RPN2: variants seen among roughly 807,000 people sequenced by gnomAD.
RPN2 encodes the protein dolichyl-diphosphooligosaccharide--protein glycosyltransferase subunit 2.
RPN2 carries 29 observed loss-of-function variants against 71.4 expected under a neutral mutation model. The ratio of observed to expected loss-of-function variants is 0.41; its 90% CI spans 0.30 to 0.55. RPN2 has a LOEUF of 0.55. Ranked by LOEUF, RPN2 falls within the 20% of genes least tolerant of loss-of-function variation. The pLI is 0.35. For synonymous variants in RPN2, 308 were observed against 305.0 expected, an observed-to-expected ratio of 1.01 and a Z score of -0.10; for missense variants, 726 against 774.1, an observed-to-expected ratio of 0.94 and a Z score of 0.74.
chr20:37,191,266 C>T (rs1416357863), intron 2 of RPN2, among the ~76,000 whole-genome samples: 1 of 152,136 alleles, frequency 6.6e-6, no homozygotes. Flanking sequence ...CCCTTGAGGT[C>T]AGGAGTTCGA....
chr20:37,226,453 G>C (rs2068080110), intron 11 of RPN2, among the ~76,000 whole-genome samples: 1 of 152,168 alleles, frequency 6.6e-6, no homozygotes, highest in South Asian at 2.1e-4. Context: ...TGGAGGCAGA[G>C]GTAGGAGGAT....
chr20:37,216,743 T>A (rs1235757220), intron 9 of RPN2, among the ~76,000 whole-genome samples: 1 of 152,188 alleles, frequency 6.6e-6, no homozygotes, highest in African/African-American at 2.4e-5. Flanking sequence ...ATTACAGTCG[T>A]GAGCCACTGC....
Position 37,217,482 on chromosome 20 carries a change from G to A in RPN2, c.1092+3617G>A, listed in dbSNP as rs1436385661. On this transcript the variant is annotated intron_variant, in intron 9 of 16. Coordinates refer to ENST00000237530, the MANE Select transcript of RPN2 (RefSeq NM_002951.5). ...TAATTTTTGTATATTTAGTAGAGACGGGGTTTCACTATGTTGGCCAGGATG... is the reference window on the plus strand; with the variant it reads ...TAATTTTTGTATATTTAGTAGAGACAGGGTTTCACTATGTTGGCCAGGATG... Among the ~76,000 whole-genome samples the A allele has an allele frequency of 4.6e-5, 7 of 151,748 alleles. No homozygotes were observed. In the South Asian group the frequency reaches 6.2e-4, roughly 14 times the overall value.
At chr20:37,198,029 G>T (rs2067291573) in intron 2 of RPN2, among the ~76,000 whole-genome samples, 1 of 152,172 alleles carries the variant, frequency 6.6e-6, no homozygotes, top group Admixed American at 6.5e-5. Context: ...CCAATTTGGA[G>T]CCCCAGTTTC....
intron 1 of RPN2, among the ~76,000 whole-genome samples, chr20:37,181,460 C>A (rs1193407560): frequency 2.7e-5 from 4 of 149,638 alleles, no homozygotes; most frequent in Admixed American, 6.7e-5. Context: ...GAGACAGAGC[C>A]CCAGGCTGGA....
intron 7 of RPN2, 132 bp downstream of exon 7, chr20:37,207,581 C>T (rs182924308): frequency 1.3e-4 from 111 of 851,200 alleles, no homozygotes; most frequent in Non-Finnish European, 2.0e-4. Context: ...GGGCAAGGCT[C>T]ATTTCCCTGA....
Position 37,215,401 on chromosome 20 carries a change from G to A in RPN2, c.1092+1536G>A, listed in dbSNP as rs142063465. 4.7e-3 allele frequency among the ~76,000 whole-genome samples: 721 copies of A among 152,288 alleles called. 7 individuals are homozygous for A. Among genetic ancestry groups the A allele is most frequent in the African/African-American group, 0.017 (686 of 41,556 alleles). On this transcript the variant is annotated intron_variant, in intron 9 of 16. Transcript: ENST00000237530. ...AGCATGAGACATCTGATCTTAGTTC[G>A]TTCACTATGGATAGAAGCTATTGTA...
At chr20:37,192,434 A>G (rs1413536259) in intron 2 of RPN2, among the ~76,000 whole-genome samples, 2 of 152,230 alleles carry the variant, frequency 1.3e-5, no homozygotes, top group Non-Finnish European at 2.9e-5. Flanking sequence ...GGAAAGTACC[A>G]TGGGAGTCCA....
chr20:37,230,113 C>T, intron 13 of RPN2, 54 bp downstream of exon 13: 3 of 1,329,050 alleles, frequency 2.3e-6, no homozygotes, highest in Admixed American at 1.7e-5. Flanking sequence ...GGCAACAAAG[C>T]CCTGGACAGT....
chr20:37,231,013 A>G (rs2068228935), intron 13 of RPN2, among the ~76,000 whole-genome samples: 2 of 151,890 alleles, frequency 1.3e-5, no homozygotes, highest in Admixed American at 1.3e-4. Context: ...GGGCATTGAC[A>G]AGCAGAAAAG....
chr20:37,194,584 G>T (rs936814079), intron 2 of RPN2, among the ~76,000 whole-genome samples: 1 of 152,250 alleles, frequency 6.6e-6, no homozygotes, highest in Non-Finnish European at 1.5e-5. Flanking sequence ...TTTAAAATAA[G>T]TCTTGAGTTT....
At chr20:37,219,518 A>AT (rs1382673593) in intron 9 of RPN2, among the ~76,000 whole-genome samples, 13 of 152,146 alleles carry the variant, frequency 8.5e-5, no homozygotes, top group African/African-American at 2.4e-4. Flanking sequence ...TGAAGGTTGT[A>AT]TTTTCACTTT....
intron 1 of RPN2, among the ~76,000 whole-genome samples, chr20:37,182,636 C>T (rs1356500134): frequency 6.6e-6 from 1 of 151,870 alleles, no homozygotes; most frequent in Non-Finnish European, 1.5e-5. Context: ...GCTCAAGCAT[C>T]CGCCTGCCTC....
intron 9 of RPN2, among the ~76,000 whole-genome samples, chr20:37,220,360 C>T (rs959704940): frequency 7.9e-5 from 12 of 152,098 alleles, no homozygotes; most frequent in Admixed American, 1.3e-4. Flanking sequence ...AGTGCATTAA[C>T]GGTGGTTTGG....
intron 16 of RPN2, chr20:37,238,666 C>G (rs2068469665): frequency 1.3e-6 from 1 of 740,756 alleles, no homozygotes; most frequent in Admixed American, 1.7e-5. Context: ...GATGGGATAA[C>G]TTTGCAGTGA....
At chr20:37,226,423 C>G (rs138135692) in intron 11 of RPN2, among the ~76,000 whole-genome samples, 3 of 152,096 alleles carry the variant, frequency 2.0e-5, no homozygotes, top group African/African-American at 7.2e-5. Context: ...TGGTGGCTCA[C>G]GCCTGTAATC....
At chr20:37,223,579 T>G (rs1156758017) in intron 9 of RPN2, among the ~76,000 whole-genome samples, 1 of 152,200 alleles carries the variant, frequency 6.6e-6, no homozygotes, top group Non-Finnish European at 1.5e-5. Flanking sequence ...TTTCCCCTTA[T>G]TTATTTTAAA....
chr20:37,196,941 G>A (rs770743845), intron 2 of RPN2, among the ~76,000 whole-genome samples: 2 of 152,164 alleles, frequency 1.3e-5, no homozygotes, highest in Non-Finnish European at 2.9e-5. Context: ...CTTTGGGGGA[G>A]CACTTGAGAG....
intron 7 of RPN2, among the ~76,000 whole-genome samples, chr20:37,208,464 C>A (rs2067573129): frequency 6.6e-6 from 1 of 152,024 alleles, no homozygotes; most frequent in African/African-American, 2.4e-5. Flanking sequence ...GGCTGGAGTG[C>A]CGTGGTGCGA....
Sources: allele counts gnomAD v4.1 joint callset (sites outside exome capture counted in the v4.1 genomes callset), GRCh38; gene constraint gnomAD v4.1.1; transcripts MANE v1.5; gene names NCBI Gene and HGNC (gene_info 2026-07-23, HGNC 2026-07-21).